Variants in NR3C2 observed in about 807,000 individuals in gnomAD.
NR3C2 encodes the protein mineralocorticoid receptor.
NR3C2 carries 15 observed loss-of-function variants against 86.4 expected under a neutral mutation model. The observed-to-expected ratio is 0.17, with a 90% CI of 0.12 to 0.27. The LOEUF (loss-of-function observed/expected upper bound fraction) is 0.27, where lower values mean the gene tolerates loss of function less well. Among genes scored for constraint, NR3C2 ranks in the 10% least tolerant of loss-of-function variants. The probability of loss-of-function intolerance (pLI) is 1.00; values close to 1 mark genes in which losing one functional copy is unlikely to be tolerated. For missense variants in NR3C2, 960 were observed against 1,195.6 expected, an observed-to-expected ratio of 0.80 and a Z score of 2.91; for synonymous variants, 458 against 450.5, an observed-to-expected ratio of 1.02 and a Z score of -0.21.
intron 2 of NR3C2, among the ~76,000 whole-genome samples, chr4:148,386,354 C>T (rs1366343764): frequency 5.9e-5 from 9 of 152,174 alleles, no homozygotes; most frequent in East Asian, 1.9e-4. Context: ...TTCCTGAAAA[C>T]GAGCATACCT....
At chr4:148,434,190 T>C (rs1393087974) in intron 2 of NR3C2, among the ~76,000 whole-genome samples, 1 of 152,162 alleles carries the variant, frequency 6.6e-6, no homozygotes, top group African/African-American at 2.4e-5. Context: ...AAATCTATTC[T>C]TTATATAGTC....
chr4:148,235,728 G>A (rs538498609), intron 3 of NR3C2, among the ~76,000 whole-genome samples: 1 of 149,456 alleles, frequency 6.7e-6, no homozygotes, highest in South Asian at 2.1e-4. Context: ...TTTTTTTAGT[G>A]TTAGGAGAAG....
Position 148,091,491 on chromosome 4 carries a change from CAAG to C in NR3C2, c.2800-9995_2800-9993del, listed in dbSNP as rs1179589202. Among the ~76,000 whole-genome samples, 5 of 152,204 alleles carry C rather than the reference CAAG, an allele frequency of 3.3e-5. No homozygotes were observed. In the South Asian group the frequency reaches 1.0e-3, roughly 32 times the overall value. On this transcript the variant is annotated intron_variant, in intron 8 of 8. Transcript: ENST00000358102. ...TTAGCAGCTGCAGGTGGTTAGATCT[CAAG>C]GAGGTGGGCACAAGACCAGGAGAGC...
At chr4:148,210,828 G>T (rs767009621) in intron 3 of NR3C2, among the ~76,000 whole-genome samples, 2 of 152,192 alleles carry the variant, frequency 1.3e-5, no homozygotes, top group Non-Finnish European at 2.9e-5. Context: ...ACCACAATCT[G>T]TAAATCACTA....
intron 4 of NR3C2, among the ~76,000 whole-genome samples, chr4:148,192,610 G>T (rs191417080): frequency 1.1e-4 from 17 of 151,756 alleles, no homozygotes; most frequent in Admixed American, 1.1e-3. Flanking sequence ...TGGGGGTATG[G>T]CTAGGCACGT....
At chr4:148,186,992 G>GTATATATATA (rs1735936298) in intron 4 of NR3C2, among the ~76,000 whole-genome samples, 1 of 10,366 alleles carries the variant, frequency 9.6e-5, no homozygotes, top group Non-Finnish European at 1.3e-4. Context: ...ATGTGTGTAT[G>GTATATATATA]TATGTATATA....
At chr4:148,259,464 C>T (rs537932564) in intron 3 of NR3C2, among the ~76,000 whole-genome samples, 4 of 149,316 alleles carry the variant, frequency 2.7e-5, no homozygotes, top group African/African-American at 9.8e-5. Context: ...AATTTGGAAA[C>T]TTTCAGGAGG....
At chr4:148,406,400 T>C (rs1311665688) in intron 2 of NR3C2, among the ~76,000 whole-genome samples, 1 of 152,140 alleles carries the variant, frequency 6.6e-6, no homozygotes, top group Non-Finnish European at 1.5e-5. Flanking sequence ...CAGTTTAAGC[T>C]GATCCCTGGA....
chr4:148,227,398 C>G (rs1738230516), intron 3 of NR3C2, among the ~76,000 whole-genome samples: 1 of 152,144 alleles, frequency 6.6e-6, no homozygotes. Flanking sequence ...ACTGGTGATA[C>G]TAACTTTGAT....
chr4:148,408,764 ATATT>A (rs1439485235), intron 2 of NR3C2, among the ~76,000 whole-genome samples: 1 of 152,210 alleles, frequency 6.6e-6, no homozygotes, highest in African/African-American at 2.4e-5. Context: ...ATTCAGAGAA[ATATT>A]TAGTGTATTT....
At chr4:148,183,470 C>T (rs576173051) in intron 4 of NR3C2, among the ~76,000 whole-genome samples, 2 of 152,300 alleles carry the variant, frequency 1.3e-5, no homozygotes, top group South Asian at 4.1e-4. Flanking sequence ...TCTCCGCATC[C>T]TCTCCAGCAT....
chr4:148,139,572 G>A lies in NR3C2; in HGVS notation c.2510+12897C>T, dbSNP rs569500690. ...ATTCCACTGCTTCTGTTGAAGTGAC[G>A]TCTATTTCAAGGGAGAGGGGCACAG... On this transcript the variant is annotated intron_variant, in intron 6 of 8. Transcript: ENST00000358102. Among the ~76,000 whole-genome samples the A allele has an allele frequency of 3.3e-5, 5 of 152,240 alleles. No individual in the cohort carries two copies. The East Asian group carries it at 7.7e-4, about 24-fold the overall frequency.
upstream of NR3C2, chr4:148,442,775 G>A: frequency 2.0e-6 from 2 of 985,410 alleles, no homozygotes; most frequent in Non-Finnish European, 2.4e-6. Flanking sequence ...GCTACATCAG[G>A]CGGCCTCCGC....
intron 2 of NR3C2, among the ~76,000 whole-genome samples, chr4:148,373,585 C>G (rs1001180670): frequency 6.6e-6 from 1 of 150,756 alleles, no homozygotes; most frequent in African/African-American, 2.5e-5. Context: ...AGCGATTATC[C>G]AGCCTCAGCC....
At chr4:148,158,603 A>C (rs986098942) in intron 4 of NR3C2, among the ~76,000 whole-genome samples, 1 of 152,214 alleles carries the variant, frequency 6.6e-6, no homozygotes, top group Admixed American at 6.5e-5. Context: ...TCTGACGATA[A>C]CCATGATTTA....
At chr4:148,360,986 G>A (rs1579204882) in intron 2 of NR3C2, among the ~76,000 whole-genome samples, 2 of 152,072 alleles carry the variant, frequency 1.3e-5, no homozygotes, top group East Asian at 3.9e-4. Flanking sequence ...AAGGCCCCTT[G>A]CAACATAAAC....
chr4:148,266,811 T>A (rs1740419324), intron 2 of NR3C2, among the ~76,000 whole-genome samples: 1 of 152,222 alleles, frequency 6.6e-6, no homozygotes, highest in African/African-American at 2.4e-5. Flanking sequence ...GAGATAATAA[T>A]GGTGTGAAGT....
chr4:148,142,105 G>C (rs1384152726), intron 6 of NR3C2, among the ~76,000 whole-genome samples: 2 of 152,206 alleles, frequency 1.3e-5, no homozygotes, highest in Non-Finnish European at 1.5e-5. Flanking sequence ...GGTTAATTTG[G>C]CTGGTGTGGA....
rs116893784 is a variant in NR3C2 at position 148,172,172 on chromosome 4, C to T, written c.2015-17271G>A. Among the ~76,000 whole-genome samples the T allele has an allele frequency of 2.5e-4, 38 of 152,116 alleles. No individual in the cohort carries two copies. In the East Asian group the frequency reaches 7.0e-3, roughly 28 times the overall value. ...CCTCCTTTACTGTAAGTCAACTCAT[C>T]CTAATTTTCTTTTACCTTAAACCTA... On this transcript the variant is annotated intron_variant, in intron 4 of 8. Transcript: ENST00000358102.
Sources: gnomAD v4.1 joint callset for allele counts (sites outside exome capture counted in the v4.1 genomes callset) on GRCh38, gnomAD v4.1.1 for gene constraint, MANE v1.5 for transcripts, NCBI Gene and HGNC (gene_info 2026-07-23, HGNC 2026-07-21) for gene names.